The following SLC12A8 variants were observed in gnomAD, a reference collection of about 807,000 sequenced individuals.
SLC12A8 encodes the protein solute carrier family 12 member 8.
In SLC12A8, 69 loss-of-function variants were observed where a neutral mutation model predicts 75.6. That is an observed-to-expected ratio of 0.91 (90% CI 0.75 to 1.11). The LOEUF (loss-of-function observed/expected upper bound fraction) is 1.11, where lower values mean the gene tolerates loss of function less well. Among genes scored for constraint, SLC12A8 ranks in the 50% most tolerant of loss-of-function variants. The pLI is 0.00. For synonymous variants in SLC12A8, 365 were observed against 372.8 expected (o/e 0.98, Z 0.24); for missense variants, 877 against 896.7 (o/e 0.98, Z 0.28).
intron 6 of SLC12A8, 46 bp from the exon 7 acceptor site, chr3:125,120,732 G>T: frequency 2.1e-6 from 3 of 1,440,544 alleles, no homozygotes; most frequent in Non-Finnish European, 1.9e-6. Context: ...CCTCCTCCAC[G>T]CATCGCCTTC....
intron 5 of SLC12A8, among the ~76,000 whole-genome samples, chr3:125,139,152 G>C (rs1933566377): frequency 6.6e-6 from 1 of 152,062 alleles, no homozygotes; most frequent in African/African-American, 2.4e-5. Context: ...TTTGTACTCT[G>C]TTTCCCAAAA....
chr3:125,211,450 T>C, intron 1 of SLC12A8, 56 bp from the exon 2 acceptor site: 1 of 922,654 alleles, frequency 1.1e-6, no homozygotes, highest in Non-Finnish European at 1.8e-6. Context: ...CTCCCCTTGT[T>C]GTCCATCCTT....
intron 10 of SLC12A8, among the ~76,000 whole-genome samples, chr3:125,096,375 T>C (rs1938712618): frequency 6.6e-6 from 1 of 152,232 alleles, no homozygotes; most frequent in African/African-American, 2.4e-5. Flanking sequence ...ATTTGCTTGT[T>C]TATCATATGT....
chr3:125,210,339 G>C (rs1170900009), intron 2 of SLC12A8, among the ~76,000 whole-genome samples: 1 of 152,196 alleles, frequency 6.6e-6, no homozygotes, highest in East Asian at 1.9e-4. Flanking sequence ...TCAGCTGGAA[G>C]GTGTGGCAGG....
chr3:125,132,195 T>C (rs953260995), intron 6 of SLC12A8, among the ~76,000 whole-genome samples: 1 of 152,314 alleles, frequency 6.6e-6, no homozygotes, highest in South Asian at 2.1e-4. Context: ...GCTGAATTAC[T>C]GCTCTTACTT....
chr3:125,162,937 A>G (rs1934205838), intron 5 of SLC12A8, among the ~76,000 whole-genome samples: 2 of 152,188 alleles, frequency 1.3e-5, no homozygotes, highest in African/African-American at 4.8e-5. Flanking sequence ...GAAGAGGAAA[A>G]AGAGTCAGAG....
At chr3:125,107,201 T>G (rs1240964563) in intron 10 of SLC12A8, among the ~76,000 whole-genome samples, 1 of 152,254 alleles carries the variant, frequency 6.6e-6, no homozygotes, top group Non-Finnish European at 1.5e-5. Flanking sequence ...CTTCTGTTCA[T>G]TTTTGAGTGA....
At chr3:125,088,417 G>A in intron 12 of SLC12A8, 47 bp from the exon 13 acceptor site, 1 of 1,576,174 alleles carries the variant, frequency 6.3e-7, no homozygotes, top group South Asian at 1.1e-5. Context: ...TTCTACATAA[G>A]GCATCTAGAA....
chr3:125,164,614 G>A (rs941377058), intron 5 of SLC12A8, among the ~76,000 whole-genome samples: 2 of 152,240 alleles, frequency 1.3e-5, no homozygotes, highest in African/African-American at 4.8e-5. Flanking sequence ...TGTGCCCAGT[G>A]TAAAGGGGAT....
intron 5 of SLC12A8, among the ~76,000 whole-genome samples, chr3:125,143,997 CG>C (rs1933711957): frequency 1.3e-5 from 2 of 152,212 alleles, no homozygotes; most frequent in African/African-American, 4.8e-5. Flanking sequence ...TCTGCTAACA[CG>C]GGCTCTATTT....
At chr3:125,158,951 T>C (rs1384004896) in intron 5 of SLC12A8, among the ~76,000 whole-genome samples, 5 of 152,130 alleles carry the variant, frequency 3.3e-5, no homozygotes, top group Non-Finnish European at 5.9e-5. Flanking sequence ...CAAAGCACTA[T>C]TCAGATTTCC....
chr3:125,203,540 A>C (rs1935168703), intron 2 of SLC12A8, among the ~76,000 whole-genome samples: 1 of 152,234 alleles, frequency 6.6e-6, no homozygotes, highest in Non-Finnish European at 1.5e-5. Context: ...ATCCACATGC[A>C]GAAGAATGAA....
At position 125,107,511 on chromosome 3, in the gene SLC12A8, G is replaced by A; in HGVS notation, c.1675C>T (p.Leu559=). 2 of 1,613,312 alleles carry A rather than the reference G, an allele frequency of 1.2e-6. No individual in the cohort carries two copies. The highest frequency in any genetic ancestry group is 1.7e-6 in the Non-Finnish European group (2 of 1,179,314). Residue 559 remains leucine (L), a synonymous_variant, in exon 10 of 14, where the codon CTG becomes TTG. Coordinates refer to ENST00000469902, the MANE Select transcript of SLC12A8 (RefSeq NM_024628.6). ...CCACTGGACTCTGATTGGTTGCACAGCTCAGGAACAAGTTGCTCTCCATAT... is the reference window on the plus strand; with the variant it reads ...CCACTGGACTCTGATTGGTTGCACAACTCAGGAACAAGTTGCTCTCCATAT... ...GTYGEQLVPE[L]CNQSESSGED...
intron 4 of SLC12A8, among the ~76,000 whole-genome samples, chr3:125,180,034 T>C (rs1360593509): frequency 1.3e-5 from 2 of 152,222 alleles, no homozygotes; most frequent in African/African-American, 4.8e-5. Context: ...AAACTGTTTT[T>C]TTTTTCCTAG....
At chr3:125,117,471 C>A (rs1234434670) in intron 8 of SLC12A8, among the ~76,000 whole-genome samples, 1 of 150,018 alleles carries the variant, frequency 6.7e-6, no homozygotes, top group Non-Finnish European at 1.5e-5. Context: ...TGGTGCATGT[C>A]TGTAGTCCTG....
At chr3:125,135,638 T>A (rs766254528) in intron 6 of SLC12A8, 31 bp downstream of exon 6, 5 of 1,451,298 alleles carry the variant, frequency 3.4e-6, no homozygotes, top group Non-Finnish European at 4.7e-6. Context: ...ACCCCTAATT[T>A]GAGAGTAAAA....
At chr3:125,195,512 G>A (rs971382454) in intron 2 of SLC12A8, among the ~76,000 whole-genome samples, 3 of 152,114 alleles carry the variant, frequency 2.0e-5, no homozygotes, top group Admixed American at 6.5e-5. Flanking sequence ...TGAGGTCTTC[G>A]TGGCTGTGTC....
At chr3:125,126,280 A>T (rs1279836769) in intron 6 of SLC12A8, among the ~76,000 whole-genome samples, 1 of 152,208 alleles carries the variant, frequency 6.6e-6, no homozygotes, top group Non-Finnish European at 1.5e-5. Flanking sequence ...GTAGCCACCT[A>T]GACATTGACA....
At chr3:125,182,382 A>T (rs1405774693) in intron 4 of SLC12A8, among the ~76,000 whole-genome samples, 3 of 152,170 alleles carry the variant, frequency 2.0e-5, no homozygotes, top group Non-Finnish European at 2.9e-5. Context: ...AAATTATGGT[A>T]TATTTATACT....
Sources: allele counts gnomAD v4.1 joint callset (sites outside exome capture counted in the v4.1 genomes callset), GRCh38; gene constraint gnomAD v4.1.1; transcripts MANE v1.5; gene names NCBI Gene and HGNC (gene_info 2026-07-23, HGNC 2026-07-21).